The following FHIP1B variants were observed in gnomAD, a reference collection of about 807,000 sequenced individuals.
FHIP1B encodes the protein FHF complex subunit HOOK-interacting protein 1B.
FHIP1B carries 28 observed loss-of-function variants against 82.2 expected under a neutral mutation model. That is an observed-to-expected ratio of 0.34 (90% CI 0.25 to 0.47). The LOEUF (loss-of-function observed/expected upper bound fraction) is 0.47. Among genes scored for constraint, FHIP1B ranks in the 20% least tolerant of loss-of-function variants. The pLI is 1.00. For synonymous variants in FHIP1B, 585 were observed against 516.1 expected (o/e 1.13, Z -1.81); for missense variants, 1,110 against 1,262.6 (o/e 0.88, Z 1.83).
chr11:6,228,436 G>A (rs1847619516), intron 1 of FHIP1B, among the ~76,000 whole-genome samples: 1 of 152,164 alleles, frequency 6.6e-6, no homozygotes, highest in Admixed American at 6.5e-5. Flanking sequence ...AGGATGGGGA[G>A]GCTCAAGGGT....
At chr11:6,225,122 A>C (rs1307974151) in intron 1 of FHIP1B, among the ~76,000 whole-genome samples, 1 of 152,212 alleles carries the variant, frequency 6.6e-6, no homozygotes, top group Non-Finnish European at 1.5e-5. Flanking sequence ...ATATTTTTAA[A>C]ACCTAAATTA....
At chr11:6,220,180 A>G (rs1395695794) in intron 6 of FHIP1B, among the ~76,000 whole-genome samples, 2 of 152,204 alleles carry the variant, frequency 1.3e-5, no homozygotes, top group Non-Finnish European at 2.9e-5. Context: ...GATATCTATT[A>G]TCTATGGATG....
chr11:6,214,489 A>G lies in FHIP1B; in HGVS notation c.2479T>C (p.Tyr827His), dbSNP rs777729283. 1 of 1,614,170 alleles carries G rather than the reference A, an allele frequency of 6.2e-7. No individual in the cohort carries two copies. The highest frequency in any genetic ancestry group is 1.7e-5 in the Admixed American group (1 of 60,026). Residue 827 changes from tyrosine (Y) to histidine (H), a missense_variant, in exon 11 of 12, where the codon TAC becomes CAC. By Grantham distance (83) the Tyr-to-His change is moderately conservative. Around this residue, in one of 6 missense-constraint regions of FHIP1B, gnomAD observed 147 missense variants for 154.0 expected, o/e 0.95. Transcript: ENST00000449352. ...TCCAACTTGCCACGGGCAATGAGGT[A>G]CTTCTTGGCTTTGGACAGCAGTGCT... The part of the protein sequence containing the change: ...FPALLSKAKK[Y>H]LIARGKLDWA...
rs766455758 is a variant in FHIP1B, at chr11:6,222,580, G to A, written c.1053C>T (p.Thr351=). Residue 351 remains threonine, a synonymous_variant, in exon 6 of 12, where the codon ACC becomes ACT. Coordinates refer to ENST00000449352, the MANE Select transcript of FHIP1B (RefSeq NM_001098794.2). ...TCCGTAGGAAAAGTTCCAGATAGGCGGTACTGGCGATCATCTCCTCCACAG... is the reference window on the plus strand; with the variant it reads ...TCCGTAGGAAAAGTTCCAGATAGGCAGTACTGGCGATCATCTCCTCCACAG... ...KTSVEEMIAS[T]AYLELFLRSI... 13 of 1,613,968 alleles carry A rather than the reference G, an allele frequency of 8.1e-6. No homozygotes were observed. The highest frequency in any genetic ancestry group is 4.5e-5 in the East Asian group (2 of 44,894).
chr11:6,233,705 A>C (rs1350474747), intron 1 of FHIP1B, among the ~76,000 whole-genome samples: 1 of 152,246 alleles, frequency 6.6e-6, no homozygotes. Flanking sequence ...AAGTAGAATT[A>C]GCAACTGAAT....
At position 6,217,761 on chromosome 11, in the gene FHIP1B, C is replaced by T; in HGVS notation, c.1825G>A (p.Gly609Arg). The T allele has an allele frequency of 6.2e-7, 1 of 1,608,082 alleles. No individual in the cohort carries two copies. The highest frequency in any genetic ancestry group is 2.2e-5 in the East Asian group (1 of 44,730). The change falls in exon 9 of 12, where the codon GGG (glycine) becomes AGG (arginine). Residue 609 changes from glycine to arginine, a missense_variant. Coordinates refer to ENST00000449352, the MANE Select transcript of FHIP1B (RefSeq NM_001098794.2). ...CTCCTCCCCAGCTCTTCCTCCTCCCCTTCCCCCACGTTGTTCCTGTCCTCC... is the reference window on the plus strand; with the variant it reads ...CTCCTCCCCAGCTCTTCCTCCTCCCTTTCCCCCACGTTGTTCCTGTCCTCC... Reference protein sequence around the residue: ...PEEDRNNVGEGEEEELGRRGR... With the variant: ...PEEDRNNVGEREEEELGRRGR...
In FHIP1B at chr11:6,222,082, C is replaced by A. The variant is rs35450493; in HGVS notation, c.1191+360G>T. On this transcript the variant is annotated intron_variant, in intron 6 of 11. Transcript: ENST00000449352. ...TCACCTACCAAAGCAGACACACAAC[C>A]TAAAGTGCTCTCAAGTCACCCAAAG... Among the ~76,000 whole-genome samples, 2 of 152,168 alleles carry A rather than the reference C, an allele frequency of 1.3e-5. 1 individual carries two copies. The highest frequency in any genetic ancestry group is 4.8e-5 in the African/African-American group (2 of 41,436).
Position 6,222,262 on chromosome 11 carries a change from T to C in FHIP1B, c.1191+180A>G, listed in dbSNP as rs78309804. Among the ~76,000 whole-genome samples the C allele has an allele frequency of 2.6e-5, 4 of 152,120 alleles. No individual in the cohort carries two copies. The East Asian group carries it at 5.8e-4, about 22-fold the overall frequency. On this transcript the variant is annotated intron_variant, in intron 6 of 11. Coordinates refer to ENST00000449352, the MANE Select transcript of FHIP1B (RefSeq NM_001098794.2). ...TTCATCTATCATAAAAGCAGGGGAG[T>C]AGATTAAAATCTGTACCCAAAATGG...
Position 6,223,952 on chromosome 11 carries a change from C to G in FHIP1B, c.435G>C (p.Leu145=), listed in dbSNP as rs778513068. 2.5e-6 allele frequency: 4 copies of G among 1,614,080 alleles called. No homozygotes were observed. In the African/African-American group the frequency reaches 5.3e-5, roughly 22 times the overall value. Residue 145 remains leucine (L), a synonymous_variant, in exon 3 of 12, where the codon CTG becomes CTC. Coordinates refer to ENST00000449352, the MANE Select transcript of FHIP1B (RefSeq NM_001098794.2). This position sits in a 1 kb window ranked among gnomAD's most constrained non-coding sequence, Gnocchi z 4.8. ...CCTCACGAACTGGACCATGCCGCAA[C>G]AGTGGCTGGCGAGCTTCGCTCACTA... is the stretch of plus-strand genomic sequence containing the variant. ...EMLVSEARQP[L]LRHGPVREAL... is the part of the protein sequence containing the mutation.
rs1168019353 is a variant in FHIP1B at position 6,217,667 on chromosome 11, C to A, written c.1919G>T (p.Gly640Val). The change falls in exon 9 of 12, where the codon GGA (glycine) becomes GTA (valine). Residue 640 changes from glycine (G) to valine (V), a missense_variant. By Grantham distance (109) the Gly-to-Val change is moderately radical. Around this residue, in one of 6 missense-constraint regions of FHIP1B, gnomAD observed 418 missense variants for 371.4 expected, o/e 1.13. Coordinates refer to ENST00000449352, the MANE Select transcript of FHIP1B (RefSeq NM_001098794.2). The stretch of plus-strand genomic sequence containing the variant: ...CTTCTTGGCCCCCTCAGGCCATGAT[C>A]CTGGCACTCCATTGAGCTGGGGAGG... ...LPPPQLNGVP[G>V]SWPEGAKKVR... 6.2e-7 allele frequency: 1 copy of A among 1,613,850 alleles called. No homozygotes were observed. Among genetic ancestry groups the A allele is most frequent in the Non-Finnish European group, 8.5e-7 (1 of 1,179,996 alleles).
intron 6 of FHIP1B, among the ~76,000 whole-genome samples, chr11:6,219,947 G>C (rs1365936874): frequency 1.3e-5 from 2 of 152,194 alleles, no homozygotes; most frequent in African/African-American, 4.8e-5. Flanking sequence ...TGAATAGCAT[G>C]GATGTTCAGG....
rs1473414412 is a variant in FHIP1B, at chr11:6,223,905, G to A, written c.482C>T (p.Ala161Val). 3.7e-6 allele frequency: 6 copies of A among 1,614,084 alleles called. No individual in the cohort carries two copies. In the East Asian group the frequency reaches 8.9e-5, roughly 24 times the overall value. Reference protein sequence around the residue: ...VREALLTLLDACGRPVPSSPA... With the variant: ...VREALLTLLDVCGRPVPSSPA... Reference sequence around the variant, plus strand: ...GCTACTGGGCACAGGGCGGCCACAGGCATCCAGCAGGGTGAGCAGAGCCTC... The same window carrying A: ...GCTACTGGGCACAGGGCGGCCACAGACATCCAGCAGGGTGAGCAGAGCCTC... The change falls in exon 3 of 12, where the codon GCC becomes GTC. Residue 161 changes from alanine (A) to valine (V), a missense_variant. This residue lies in a region of FHIP1B where 467 missense variants were observed against 602.9 expected (regional missense o/e 0.77). Transcript: ENST00000449352. The surrounding 1 kb of genome is among the most constrained non-coding windows in gnomAD (Gnocchi z 4.8).
In FHIP1B at chr11:6,211,403, T is replaced by G; in HGVS notation, c.*103A>C. On this transcript the variant is annotated 3_prime_UTR_variant, in exon 12 of 12. Coordinates refer to ENST00000449352, the MANE Select transcript of FHIP1B (RefSeq NM_001098794.2). Reference sequence around the variant, plus strand: ...TTCTCCATAAAACATTCATCTGAAATAAATTAAAAAGTCCTTTTGCCACTG... The same window carrying G: ...TTCTCCATAAAACATTCATCTGAAAGAAATTAAAAAGTCCTTTTGCCACTG... 1 of 1,374,250 alleles carries G rather than the reference T, an allele frequency of 7.3e-7. No homozygotes were observed. 85.1% of individuals were successfully genotyped at this position (1,374,250 alleles called of 1,614,324 possible).
At chr11:6,228,345 T>G (rs965486774) in intron 1 of FHIP1B, among the ~76,000 whole-genome samples, 9 of 151,350 alleles carry the variant, frequency 5.9e-5, no homozygotes, top group Non-Finnish European at 1.3e-4. Context: ...AGTGAAACTC[T>G]GTCTCAAAAA....
intron 11 of FHIP1B, among the ~76,000 whole-genome samples, chr11:6,213,040 A>C (rs1847116783): frequency 6.6e-6 from 1 of 152,142 alleles, no homozygotes; most frequent in Non-Finnish European, 1.5e-5. Flanking sequence ...TCTACCTCAT[A>C]CACTAACCTG....
At position 6,223,004 on chromosome 11, in the gene FHIP1B, T is replaced by C; in HGVS notation, c.936+76A>G. On this transcript the variant is annotated intron_variant, in intron 4 of 11. Transcript: ENST00000449352. The surrounding 1 kb of genome is among the most constrained non-coding windows in gnomAD (Gnocchi z 4.8). ...GCATCCTACTTCCAAGATGGAAAAA[T>C]GACAGAACTCCAGGGAATATACCCC... The C allele has an allele frequency of 1.3e-6, 2 of 1,582,960 alleles. No individual in the cohort carries two copies. The highest frequency in any genetic ancestry group is 1.7e-6 in the Non-Finnish European group (2 of 1,159,006).
In FHIP1B at chr11:6,217,442, G is replaced by A. The variant is rs374871287; in HGVS notation, c.2144C>T (p.Pro715Leu). Reference protein sequence around the residue: ...EEAYESFTCPPEPPGPFLSSP... With the variant: ...EEAYESFTCPLEPPGPFLSSP... The stretch of plus-strand genomic sequence containing the variant: ...GCTGAGGAAGGGGCCAGGGGGCTCA[G>A]GGGGACAGGTGAAGCTCTCGTAGGC... The change falls in exon 9 of 12, where the codon CCT (proline) becomes CTT (leucine). Residue 715 changes from proline (P) to leucine (L), a missense_variant. Pro to Leu is a moderately conservative substitution (Grantham distance 98). Around this residue, in one of 6 missense-constraint regions of FHIP1B, gnomAD observed 418 missense variants for 371.4 expected, o/e 1.13. Coordinates refer to ENST00000449352, the MANE Select transcript of FHIP1B (RefSeq NM_001098794.2). 1 of 1,614,056 alleles carries A rather than the reference G, an allele frequency of 6.2e-7. No individual in the cohort carries two copies. The highest frequency in any genetic ancestry group is 8.5e-7 in the Non-Finnish European group (1 of 1,179,938).
chr11:6,225,290 G>A (rs1847533664), intron 1 of FHIP1B, among the ~76,000 whole-genome samples: 1 of 152,122 alleles, frequency 6.6e-6, no homozygotes, highest in African/African-American at 2.4e-5. Flanking sequence ...AGGCCTTCTT[G>A]AATACTTTTT....
At chr11:6,228,342 C>T (rs1847616360) in intron 1 of FHIP1B, among the ~76,000 whole-genome samples, 1 of 151,396 alleles carries the variant, frequency 6.6e-6, no homozygotes, top group Non-Finnish European at 1.5e-5. Context: ...AAGAGTGAAA[C>T]TCTGTCTCAA....
Sources: allele counts gnomAD v4.1 joint callset (sites outside exome capture counted in the v4.1 genomes callset), GRCh38; gene constraint gnomAD v4.1.1; regional missense constraint gnomAD v4.1.1; non-coding constraint Gnocchi (gnomAD v3.1); transcripts MANE v1.5; gene names NCBI Gene and HGNC (gene_info 2026-07-23, HGNC 2026-07-21).